The following TSHZ2 variants were observed in gnomAD, a reference collection of about 807,000 sequenced individuals.
TSHZ2 encodes teashirt zinc finger homeobox 2.
In TSHZ2, 21 loss-of-function variants were observed where a neutral mutation model predicts 74.4. That is an observed-to-expected ratio of 0.28 (90% confidence interval 0.20 to 0.41). The LOEUF is 0.41. Among genes scored for constraint, TSHZ2 ranks in the 10% least tolerant of loss-of-function variants. The pLI is 1.00. For synonymous variants in TSHZ2, 540 were observed against 515.3 expected, an observed-to-expected ratio of 1.05 and a Z score of -0.65; for missense variants, 1,244 against 1,293.5, an observed-to-expected ratio of 0.96 and a Z score of 0.59.
intron 2 of TSHZ2, among the ~76,000 whole-genome samples, chr20:53,329,441 T>A (rs1407370443): frequency 6.6e-6 from 1 of 152,198 alleles, no homozygotes; most frequent in African/African-American, 2.4e-5. Context: ...TGATCTAGCA[T>A]CGAAAACCAT....
chr20:52,992,566 T>G (rs146942762), intron 1 of TSHZ2, among the ~76,000 whole-genome samples: 231 of 152,274 alleles, frequency 1.5e-3, no homozygotes, highest in African/African-American at 5.3e-3. Flanking sequence ...TTCTGTTTAC[T>G]GTCAAACTGC....
At chr20:53,187,532 C>G (rs1007539207) in intron 1 of TSHZ2, among the ~76,000 whole-genome samples, 1 of 152,096 alleles carries the variant, frequency 6.6e-6, no homozygotes, top group Non-Finnish European at 1.5e-5. Context: ...GTTCTGGAAG[C>G]GAGCAGTATC....
chr20:53,024,981 C>T (rs1983383739), intron 1 of TSHZ2, among the ~76,000 whole-genome samples: 1 of 151,992 alleles, frequency 6.6e-6, no homozygotes, highest in South Asian at 2.1e-4. Flanking sequence ...CTTTATCTTG[C>T]AGGTAAATTT....
intron 1 of TSHZ2, among the ~76,000 whole-genome samples, chr20:53,143,711 TA>T (rs1987469163): frequency 6.6e-6 from 1 of 151,574 alleles, no homozygotes; most frequent in African/African-American, 2.4e-5. Flanking sequence ...AATAAATAAA[TA>T]AATAATAATA....
chr20:53,380,865 A>G (rs1188757176), intron 2 of TSHZ2, among the ~76,000 whole-genome samples: 1 of 152,232 alleles, frequency 6.6e-6, no homozygotes, highest in Admixed American at 6.5e-5. Context: ...TATTATCGCT[A>G]GCATTCATTT....
chr20:53,123,118 C>T (rs547399372), intron 1 of TSHZ2, among the ~76,000 whole-genome samples: 56 of 152,066 alleles, frequency 3.7e-4, no homozygotes, highest in Non-Finnish European at 7.4e-4. Context: ...CCAGCCACCT[C>T]TCCATCAGCT....
At chr20:53,138,236 T>C (rs1207042868) in intron 1 of TSHZ2, among the ~76,000 whole-genome samples, 1 of 151,806 alleles carries the variant, frequency 6.6e-6, no homozygotes, top group Non-Finnish European at 1.5e-5. Context: ...ACAAAAAAAT[T>C]AGCTGGGCGT....
At chr20:53,195,999 A>G (rs1031241470) in intron 1 of TSHZ2, among the ~76,000 whole-genome samples, 5 of 152,154 alleles carry the variant, frequency 3.3e-5, no homozygotes, top group African/African-American at 1.2e-4. Context: ...GCTCGTTGGG[A>G]AGGCATAACA....
intron 2 of TSHZ2, among the ~76,000 whole-genome samples, chr20:53,348,897 T>C (rs567083411): frequency 6.6e-6 from 1 of 152,354 alleles, no homozygotes; most frequent in East Asian, 1.9e-4. Flanking sequence ...CTTCAGGAGC[T>C]GCCTTCCGAG....
At chr20:53,203,440 C>T (rs1165812740) in intron 1 of TSHZ2, among the ~76,000 whole-genome samples, 1 of 151,978 alleles carries the variant, frequency 6.6e-6, no homozygotes, top group East Asian at 1.9e-4. Flanking sequence ...AGTGATGTGC[C>T]CACCTCCACC....
At position 52,972,960 on chromosome 20, in the gene TSHZ2, A is replaced by T. The variant is rs75922189; in HGVS notation, c.-334A>T. 6.0e-6 allele frequency: 2 copies of T among 334,216 alleles called. No individual in the cohort carries two copies. Among genetic ancestry groups the T allele is most frequent in the Non-Finnish European group, 1.1e-5 (2 of 186,994 alleles). The allele number at this position is 334,216 out of a possible 1,614,324, so 20.7% of individuals were successfully genotyped here. A position where few individuals can be genotyped will look rare whatever the true frequency, so the allele number is the denominator to read the frequency against. On this transcript the variant is annotated 5_prime_UTR_variant, in exon 1 of 3. Coordinates refer to ENST00000371497, the MANE Select transcript of TSHZ2 (RefSeq NM_173485.6). ...TCAACAGTCACCAAAAAAAAAAAAA[A>T]CCGCAAAAACAAAACCAAAAAAATT... is the stretch of plus-strand genomic sequence containing the variant.
chr20:53,221,082 C>T (rs911905991), intron 1 of TSHZ2, among the ~76,000 whole-genome samples: 10 of 152,170 alleles, frequency 6.6e-5, no homozygotes, highest in African/African-American at 2.4e-4. Flanking sequence ...ATTCTGTTCT[C>T]GTGGTAGTGA....
chr20:53,429,628 G>T (rs1181460543), intron 2 of TSHZ2, among the ~76,000 whole-genome samples: 1 of 152,082 alleles, frequency 6.6e-6, no homozygotes, highest in Non-Finnish European at 1.5e-5. Flanking sequence ...TTTGTAAATT[G>T]CCCAGTCTCA....
rs913913317 is a variant in TSHZ2 at position 53,377,459 on chromosome 20, G to A, written c.*9-109685G>A. ...ATCCAGAATCTATCGACTATCAGAT[G>A]TCAGCAAACTCATTCTTTAAAGGAC... On this transcript the variant is annotated intron_variant, in intron 2 of 2. Coordinates refer to ENST00000371497, the MANE Select transcript of TSHZ2 (RefSeq NM_173485.6). Among the ~76,000 whole-genome samples the A allele has an allele frequency of 4.6e-5, 7 of 152,278 alleles. No individual in the cohort carries two copies. The East Asian group carries it at 1.4e-3, about 29-fold the overall frequency.
At chr20:53,315,383 A>G (rs1978962877) in intron 2 of TSHZ2, among the ~76,000 whole-genome samples, 1 of 152,244 alleles carries the variant, frequency 6.6e-6, no homozygotes, top group Non-Finnish European at 1.5e-5. Flanking sequence ...TCTTGTAAAC[A>G]TACAGCAAAC....
At chr20:53,421,808 G>A (rs906914913) in intron 2 of TSHZ2, among the ~76,000 whole-genome samples, 9 of 143,872 alleles carry the variant, frequency 6.3e-5, no homozygotes, top group African/African-American at 2.0e-4. Flanking sequence ...TCAGCCTCCC[G>A]AGTAGCTGGG....
At chr20:53,141,706 T>C (rs1418101798) in intron 1 of TSHZ2, among the ~76,000 whole-genome samples, 1 of 152,076 alleles carries the variant, frequency 6.6e-6, no homozygotes, top group Non-Finnish European at 1.5e-5. Context: ...CCTGGTGGAG[T>C]GTGTCTACTG....
chr20:53,051,459 A>G lies in TSHZ2; in HGVS notation c.40+78126A>G, dbSNP rs761178379. Among the ~76,000 whole-genome samples the G allele has an allele frequency of 1.1e-3, 99 of 93,458 alleles. No homozygotes were observed. In the Middle Eastern group the frequency reaches 0.019, roughly 18 times the overall value. 61.3% of individuals were successfully genotyped at this position (93,458 alleles called of 152,430 possible). A position where few individuals can be genotyped will look rare whatever the true frequency, so the allele number is the denominator to read the frequency against. ...TATCATATTACTCTGTGGCGCACGC[A>G]CACACACACACACACACACACACAC... On this transcript the variant is annotated intron_variant, in intron 1 of 2. Coordinates refer to ENST00000371497, the MANE Select transcript of TSHZ2 (RefSeq NM_173485.6).
At chr20:53,031,065 C>T (rs887411522) in intron 1 of TSHZ2, among the ~76,000 whole-genome samples, 1 of 152,090 alleles carries the variant, frequency 6.6e-6, no homozygotes, top group Non-Finnish European at 1.5e-5. Context: ...CTTCTATTTG[C>T]ATCTTTGCAC....
Sources: gnomAD v4.1 joint callset for allele counts (sites outside exome capture counted in the v4.1 genomes callset) on GRCh38, gnomAD v4.1.1 for gene constraint, MANE v1.5 for transcripts, NCBI Gene and HGNC (gene_info 2026-07-23, HGNC 2026-07-21) for gene names.